The following DET1 variants were observed in gnomAD, a reference collection of about 807,000 sequenced individuals.
DET1 encodes the protein DET1 partner of COP1 E3 ubiquitin ligase.
A neutral mutation model predicts 43.7 loss-of-function variants in DET1; 22 were observed. The ratio of observed to expected loss-of-function variants is 0.50; its 90% CI spans 0.36 to 0.72. The LOEUF (loss-of-function observed/expected upper bound fraction) is 0.72, where lower values mean the gene tolerates loss of function less well. DET1 is among the 30% of genes least tolerant of loss of function. DET1 has a pLI of 0.00. For synonymous variants in DET1, 315 were observed against 266.2 expected (o/e 1.18, Z -1.79); for missense variants, 713 against 713.3 (o/e 1.00, Z 0.00).
intron 3 of DET1, among the ~76,000 whole-genome samples, chr15:88,527,377 C>G (rs928796918): frequency 1.3e-5 from 2 of 152,244 alleles, no homozygotes; most frequent in African/African-American, 4.8e-5. Context: ...CTCTGTCTTT[C>G]TGCAGCTCAC....
At chr15:88,542,644 T>C (rs2057140490) in intron 1 of DET1, among the ~76,000 whole-genome samples, 1 of 151,498 alleles carries the variant, frequency 6.6e-6, no homozygotes, top group Non-Finnish European at 1.5e-5. Context: ...CAATCGAGAG[T>C]ATGAAAACAG....
chr15:88,502,937 A>G (rs1007409426), intron 8 of DET1: 2 of 152,260 alleles, frequency 1.3e-5, no homozygotes, highest in Non-Finnish European at 2.9e-5. Flanking sequence ...AATGTATAAC[A>G]TATGAATAAA....
At chr15:88,544,545 G>A (rs940762123) in intron 1 of DET1, among the ~76,000 whole-genome samples, 2 of 152,132 alleles carry the variant, frequency 1.3e-5, no homozygotes, top group African/African-American at 4.8e-5. Context: ...ACCAGACGGG[G>A]TCCTGCCATT....
chr15:88,506,046 C>A (rs899023304), intron 7 of DET1, among the ~76,000 whole-genome samples: 32 of 152,136 alleles, frequency 2.1e-4, no homozygotes, highest in African/African-American at 7.5e-4. Flanking sequence ...ACAACCTGGG[C>A]TGGGAGCAGA....
intron 1 of DET1, among the ~76,000 whole-genome samples, chr15:88,538,383 G>C (rs1371245818): frequency 2.0e-5 from 3 of 150,880 alleles, no homozygotes; most frequent in African/African-American, 7.3e-5. Context: ...CCTTGTAATA[G>C]TCATAAAGCC....
downstream of DET1, among the ~76,000 whole-genome samples, chr15:88,509,703 A>G (rs1208229887): frequency 1.3e-5 from 2 of 152,240 alleles, no homozygotes. Context: ...ACCAAAACTC[A>G]TTCTCTTTTC....
chr15:88,533,761 C>T (rs1035868720), intron 1 of DET1, among the ~76,000 whole-genome samples: 3 of 147,690 alleles, frequency 2.0e-5, no homozygotes, highest in Non-Finnish European at 4.5e-5. Context: ...ATAGCACACA[C>T]CTGTAATCCC....
At chr15:88,535,358 A>T (rs2056920333) in intron 1 of DET1, among the ~76,000 whole-genome samples, 1 of 152,156 alleles carries the variant, frequency 6.6e-6, no homozygotes. Context: ...AAAAGACTGA[A>T]AAAAAGTCAG....
At chr15:88,543,250 G>A (rs1008277947) in intron 1 of DET1, among the ~76,000 whole-genome samples, 7 of 152,150 alleles carry the variant, frequency 4.6e-5, no homozygotes, top group African/African-American at 1.7e-4. Context: ...GGATCCTGTG[G>A]CCTCTGGATG....
intron 3 of DET1, among the ~76,000 whole-genome samples, chr15:88,524,808 C>G (rs1281593881): frequency 1.3e-4 from 20 of 151,002 alleles, no homozygotes; most frequent in South Asian, 6.3e-4. Flanking sequence ...GACACAAACA[C>G]TGCGGAAGGC....
At position 88,527,747 on chromosome 15, in the gene DET1, C is replaced by T. The variant is rs1016171316; in HGVS notation, c.1123G>A (p.Val375Met). The T allele has an allele frequency of 3.7e-6, 6 of 1,612,826 alleles. No individual in the cohort carries two copies. Among genetic ancestry groups the T allele is most frequent in the Non-Finnish European group, 5.1e-6 (6 of 1,179,384 alleles). The change falls in exon 3 of 5, where the codon GTG (valine) becomes ATG (methionine). Residue 375 changes from valine (V) to methionine (M), a missense_variant. By Grantham distance (21) the Val-to-Met change is conservative (BLOSUM62 1). Transcript: ENST00000268148. ...FVVYNMVTTE[V>M]IAVFENTSDE... is the part of the protein sequence containing the mutation. ...GATGTATTCTCAAACACAGCAATCA[C>T]CTCTGTCGTCACCATATTGTACACC...
intron 1 of DET1, among the ~76,000 whole-genome samples, chr15:88,534,522 G>C (rs956155108): frequency 6.6e-6 from 1 of 152,198 alleles, no homozygotes; most frequent in Non-Finnish European, 1.5e-5. Context: ...GGAGACCCCA[G>C]TGGAACCAGA....
chr15:88,539,356 C>G (rs1309902520), intron 1 of DET1, among the ~76,000 whole-genome samples: 2 of 150,910 alleles, frequency 1.3e-5, no homozygotes, highest in Non-Finnish European at 2.9e-5. Context: ...TACCGGCCTG[C>G]CAATGCTAAG....
chr15:88,524,970 C>T (rs912231852), intron 3 of DET1, among the ~76,000 whole-genome samples: 1 of 151,990 alleles, frequency 6.6e-6, no homozygotes, highest in Non-Finnish European at 1.5e-5. Flanking sequence ...AAAAATTTTT[C>T]AATGTATATA....
intron 1 of DET1, among the ~76,000 whole-genome samples, chr15:88,536,153 G>A (rs1219442638): frequency 6.6e-6 from 1 of 152,212 alleles, no homozygotes; most frequent in African/African-American, 2.4e-5. Flanking sequence ...CATTATTTAA[G>A]TGCTGAAAGA....
At chr15:88,503,256 C>A (rs541506082) in intron 8 of DET1, 1 of 151,720 alleles carries the variant, frequency 6.6e-6, no homozygotes, top group African/African-American at 2.4e-5. Flanking sequence ...AACTGAGACT[C>A]TGTCTCAAAA....
At chr15:88,534,608 G>A (rs759537737) in intron 1 of DET1, among the ~76,000 whole-genome samples, 3 of 152,196 alleles carry the variant, frequency 2.0e-5, no homozygotes, top group Non-Finnish European at 4.4e-5. Context: ...CTCCCAAGCT[G>A]CACACGTGTG....
downstream of DET1, among the ~76,000 whole-genome samples, chr15:88,508,901 AAT>A (rs1270117505): frequency 6.6e-6 from 1 of 152,238 alleles, no homozygotes; most frequent in African/African-American, 2.4e-5. Context: ...TATCAAGAGA[AAT>A]ATGATGCAAG....
At chr15:88,502,033 T>C (rs972095863) in intron 8 of DET1, 1 of 152,224 alleles carries the variant, frequency 6.6e-6, no homozygotes, top group African/African-American at 2.4e-5. Context: ...TGGAGTAGTA[T>C]ACACTGTACA....
Sources: gnomAD v4.1 joint callset for allele counts (sites outside exome capture counted in the v4.1 genomes callset) on GRCh38, gnomAD v4.1.1 for gene constraint, MANE v1.5 for transcripts, NCBI Gene and HGNC (gene_info 2026-07-23, HGNC 2026-07-21) for gene names.